Variants in LNPK observed in about 807,000 individuals in gnomAD.
The protein encoded by LNPK is lunapark, ER junction formation factor.
LNPK carries 29 observed loss-of-function variants against 55.2 expected under a neutral mutation model. The observed-to-expected ratio is 0.53, with a 90% CI of 0.39 to 0.72. The LOEUF is 0.72. LNPK is among the 30% of genes least tolerant of loss of function. LNPK has a pLI of 0.00. For synonymous variants in LNPK, 162 were observed against 168.2 expected (o/e 0.96, Z 0.29); for missense variants, 467 against 494.8 (o/e 0.94, Z 0.53).
At chr2:175,988,887 C>T (rs1439708518) in intron 4 of LNPK, among the ~76,000 whole-genome samples, 3 of 152,134 alleles carry the variant, frequency 2.0e-5, no homozygotes, top group African/African-American at 7.2e-5. Flanking sequence ...CATTCTCCTG[C>T]CTCAGTCTCC....
At chr2:175,998,251 G>A in intron 1 of LNPK, among the ~76,000 whole-genome samples, 1 of 152,064 alleles carries the variant, frequency 6.6e-6, no homozygotes, top group Middle Eastern at 3.4e-3. Flanking sequence ...AGACCAGCCT[G>A]GCCAAGATGG....
intron 10 of LNPK, 117 bp downstream of exon 10, chr2:175,939,435 C>G: frequency 2.2e-6 from 1 of 459,662 alleles, no homozygotes; most frequent in South Asian, 7.1e-5. Context: ...CTATAAAATA[C>G]TCCACTATGC....
At chr2:175,987,416 CG>C (rs1354386857) in intron 4 of LNPK, among the ~76,000 whole-genome samples, 4 of 152,066 alleles carry the variant, frequency 2.6e-5, no homozygotes, top group Admixed American at 2.6e-4. Flanking sequence ...AGCAAACTAT[CG>C]CAAGGACAAA....
At chr2:175,961,556 A>G (rs925339588) in intron 8 of LNPK, among the ~76,000 whole-genome samples, 2 of 152,194 alleles carry the variant, frequency 1.3e-5, no homozygotes, top group Non-Finnish European at 2.9e-5. Flanking sequence ...CGTGTCTCAA[A>G]ATAATAAGAG....
chr2:175,957,375 C>CA (rs971620699), intron 8 of LNPK, among the ~76,000 whole-genome samples: 3 of 151,562 alleles, frequency 2.0e-5, no homozygotes, highest in African/African-American at 7.3e-5. Context: ...GAAAACATCT[C>CA]AAAAAAAGAA....
At chr2:175,935,599 G>T (rs1014522300) in intron 12 of LNPK, 1 of 162,656 alleles carries the variant, frequency 6.1e-6, no homozygotes, top group Non-Finnish European at 1.3e-5. Context: ...AAGTATGAAA[G>T]TTATTATTCT....
intron 5 of LNPK, among the ~76,000 whole-genome samples, chr2:175,973,343 T>C (rs1226621563): frequency 6.6e-6 from 1 of 152,216 alleles, no homozygotes; most frequent in African/African-American, 2.4e-5. Context: ...AGATAGCTTC[T>C]ATTCATGATT....
At chr2:175,993,542 C>A (rs4531906) in intron 2 of LNPK, among the ~76,000 whole-genome samples, 27,504 of 152,084 alleles carry the variant, frequency 0.18, 2,619 homozygotes, top group East Asian at 0.33. Flanking sequence ...TGGCCACGCA[C>A]GGTGGCTCAC....
chr2:175,930,419 A>G (rs923907671), intron 12 of LNPK, among the ~76,000 whole-genome samples: 2 of 152,098 alleles, frequency 1.3e-5, no homozygotes, highest in African/African-American at 4.8e-5. Flanking sequence ...AAAGTAATTC[A>G]GAGGAAAAAA....
chr2:175,929,858 T>C lies in LNPK; in HGVS notation c.*109A>G. The stretch of plus-strand genomic sequence containing the variant: ...AGCTAGGCAATCTGAATTCAAATGA[T>C]ACACAAGCATACCCTTAGAGGGGCA... On this transcript the variant is annotated 3_prime_UTR_variant, in exon 13 of 13. Coordinates refer to ENST00000272748, the MANE Select transcript of LNPK (RefSeq NM_030650.3). 6.7e-7 allele frequency: 1 copy of C among 1,500,858 alleles called. No individual in the cohort carries two copies. The highest frequency in any genetic ancestry group is 1.4e-5 in the African/African-American group (1 of 71,296). The allele number at this position is 1,500,858 out of a possible 1,614,324, so 93.0% of individuals were successfully genotyped here. A position where few individuals can be genotyped will look rare whatever the true frequency, so the allele number is the denominator to read the frequency against.
At chr2:175,963,001 T>G (rs1423356410) in intron 8 of LNPK, among the ~76,000 whole-genome samples, 1 of 147,832 alleles carries the variant, frequency 6.8e-6, no homozygotes, top group Non-Finnish European at 1.5e-5. Flanking sequence ...AAAACCACAA[T>G]GAGATACCAT....
intron 1 of LNPK, among the ~76,000 whole-genome samples, chr2:176,000,884 TA>T (rs1688134318): frequency 6.6e-6 from 1 of 152,200 alleles, no homozygotes; most frequent in African/African-American, 2.4e-5. Flanking sequence ...TAAGCACTCT[TA>T]ATATATAATG....
intron 6 of LNPK, among the ~76,000 whole-genome samples, chr2:175,967,391 C>T (rs755150861): frequency 1.3e-5 from 2 of 151,936 alleles, no homozygotes; most frequent in Non-Finnish European, 2.9e-5. Flanking sequence ...TAAAAGGGCA[C>T]ACTAGCACAA....
At chr2:175,975,048 A>C (rs1368109155) in intron 5 of LNPK, among the ~76,000 whole-genome samples, 5 of 147,846 alleles carry the variant, frequency 3.4e-5, no homozygotes, top group East Asian at 2.0e-4. Flanking sequence ...TATTCCTTGG[A>C]GTCAGAAAGC....
intron 8 of LNPK, among the ~76,000 whole-genome samples, chr2:175,956,152 T>C: frequency 6.6e-6 from 1 of 151,714 alleles, no homozygotes; most frequent in East Asian, 1.9e-4. Flanking sequence ...CGGTGGTACA[T>C]ACTCGTAGTC....
Position 175,947,584 on chromosome 2 carries a change from CT to C in LNPK, c.601del (p.Ser201ValfsTer44). Reference protein sequence around the residue: ...VPVSPGPPKDSSAPGGPPERT... With the variant: ...VPVSPGPPKDXSAPGGPPERT... ...TTCTGGGGGTCCACCAGGGGCAGAACTGTCCTTTGGTGGTCCAGGAGATACT... is the reference window on the plus strand; with the variant it reads ...TTCTGGGGGTCCACCAGGGGCAGAACGTCCTTTGGTGGTCCAGGAGATACT... On this transcript the variant is annotated frameshift_variant, in exon 9 of 13. Transcript: ENST00000272748. LOFTEE classifies it high-confidence loss of function. The C allele has an allele frequency of 1.9e-6, 3 of 1,614,012 alleles. No homozygotes were observed. Among genetic ancestry groups the C allele is most frequent in the Non-Finnish European group, 2.5e-6 (3 of 1,179,918 alleles).
chr2:175,947,734 C>G, intron 8 of LNPK, 42 bp from the exon 9 acceptor site: 4 of 1,324,890 alleles, frequency 3.0e-6, no homozygotes, highest in African/African-American at 1.5e-5. Context: ...TTCCAATATA[C>G]CATATTAGCC....
At chr2:175,993,359 C>T (rs898232002) in intron 2 of LNPK, 136 bp from the exon 3 acceptor site, 5 of 484,620 alleles carry the variant, frequency 1.0e-5, no homozygotes, top group African/African-American at 8.1e-5. Flanking sequence ...TTGTTTATAA[C>T]TAAGATTTAT....
At chr2:175,939,734 C>A (rs1684726717) in intron 9 of LNPK, 77 bp from the exon 10 acceptor site, 1 of 633,208 alleles carries the variant, frequency 1.6e-6, no homozygotes, top group South Asian at 2.9e-5. Flanking sequence ...CCAAGAACTA[C>A]CTATACTTGT....
Sources: gnomAD v4.1 joint callset for allele counts (sites outside exome capture counted in the v4.1 genomes callset) on GRCh38, gnomAD v4.1.1 for gene constraint, MANE v1.5 for transcripts, NCBI Gene and HGNC (gene_info 2026-07-23, HGNC 2026-07-21) for gene names.